The following CNKSR2 variants were observed in gnomAD, a reference collection of about 807,000 sequenced individuals.
CNKSR2 encodes the protein CNK homolog protein 2.
In CNKSR2, 14 loss-of-function variants were observed where a neutral mutation model predicts 84.4. That is an observed-to-expected ratio of 0.17 (90% CI 0.11 to 0.26). The LOEUF (loss-of-function observed/expected upper bound fraction) is 0.26. Ranked by LOEUF, CNKSR2 falls within the 10% of genes least tolerant of loss-of-function variation. CNKSR2 has a pLI of 1.00. For missense variants in CNKSR2, 485 were observed against 771.2 expected, an observed-to-expected ratio of 0.63 and a Z score of 4.40; for synonymous variants, 275 against 277.9, an observed-to-expected ratio of 0.99 and a Z score of 0.10.
At position 21,452,756 on chromosome X, in the gene CNKSR2, A is replaced by ATTTTATTTTATTTTATTTTATT. The variant is rs1197970193; in HGVS notation, c.519+11978_519+11999dup. ...CTCAGCCATTTTACAAGCATGACTTATTTTATTTTATTTTATTTTATTTTA... is the reference window on the plus strand; with the variant it reads ...CTCAGCCATTTTACAAGCATGACTTATTTTATTTTATTTTATTTTATTTTTTATTTTATTTTATTTTATTTTA... On this transcript the variant is annotated intron_variant, in intron 4 of 21. Transcript: ENST00000379510. 8.4e-3 allele frequency among the ~76,000 whole-genome samples: 580 copies of ATTTTATTTTATTTTATTTTATT among 69,368 alleles called. 4 individuals carry two copies. The highest frequency in any genetic ancestry group is 0.033 in the African/African-American group (522 of 15,623). The allele number at this position is 69,368 out of a possible 115,157, so 60.2% of individuals were successfully genotyped here.
At chrX:21,540,436 T>C (rs2091966725) in intron 11 of CNKSR2, among the ~76,000 whole-genome samples, 1 of 111,735 alleles carries the variant, frequency 8.9e-6, no homozygotes, top group Non-Finnish European at 1.9e-5. Context: ...ACCTATAAAA[T>C]AGTCCCATTA....
chrX:21,516,418 G>T, intron 8 of CNKSR2, 67 bp from the exon 9 acceptor site: 1 of 1,053,419 alleles, frequency 9.5e-7, no homozygotes, highest in Non-Finnish European at 1.3e-6. Flanking sequence ...TCTTATTAAA[G>T]GGGGAGAACA....
chrX:21,390,619 A>C (rs1327478238), intron 1 of CNKSR2, among the ~76,000 whole-genome samples: 1 of 111,602 alleles, frequency 9.0e-6, no homozygotes, highest in Non-Finnish European at 1.9e-5. Flanking sequence ...GCCCTCCTCC[A>C]ACATTGGGGA....
chrX:21,497,326 C>T (rs1358195498), intron 6 of CNKSR2, among the ~76,000 whole-genome samples: 1 of 111,533 alleles, frequency 9.0e-6, no homozygotes, highest in Non-Finnish European at 1.9e-5. Flanking sequence ...TTTTATCACT[C>T]TTCTGGTTCC....
intron 4 of CNKSR2, among the ~76,000 whole-genome samples, chrX:21,456,317 C>T (rs2090994728): frequency 9.0e-6 from 1 of 111,444 alleles, no homozygotes; most frequent in Non-Finnish European, 1.9e-5. Context: ...ATTAGGTCTC[C>T]AGAACTATTC....
intron 20 of CNKSR2, among the ~76,000 whole-genome samples, chrX:21,627,734 C>G (rs1472028128): frequency 9.0e-6 from 1 of 111,349 alleles, no homozygotes; most frequent in Non-Finnish European, 1.9e-5. Flanking sequence ...AAGACCCACC[C>G]CCATGATTCA....
At position 21,635,858 on chromosome X, in the gene CNKSR2, C is replaced by A. The variant is rs1268229553; in HGVS notation, c.2693-12973C>A. On this transcript the variant is annotated intron_variant, in intron 20 of 21. Transcript: ENST00000379510. ...CTTATCTATTATTTCACCAGAATAT[C>A]AATTTGGAAAATTCAAGTCGAGTGT... is the stretch of plus-strand genomic sequence containing the variant. Among the ~76,000 whole-genome samples the A allele has an allele frequency of 1.6e-4, 18 of 110,650 alleles. No individual in the cohort carries two copies. The Admixed American group carries it at 1.8e-3, about 11-fold the overall frequency.
chrX:21,486,377 G>A (rs1262951828), intron 5 of CNKSR2, among the ~76,000 whole-genome samples: 1 of 111,513 alleles, frequency 9.0e-6, no homozygotes, highest in Non-Finnish European at 1.9e-5. Context: ...GTTTAAACAT[G>A]TTATATAACA....
At chrX:21,531,822 C>T (rs2091888832) in intron 10 of CNKSR2, 34 bp from the exon 11 acceptor site, 3 of 1,030,314 alleles carry the variant, frequency 2.9e-6, no homozygotes, top group African/African-American at 3.7e-5. Flanking sequence ...TAACATGTTT[C>T]TACATCTTCT....
At chrX:21,574,976 A>G (rs1344950844) in intron 13 of CNKSR2, among the ~76,000 whole-genome samples, 1 of 111,704 alleles carries the variant, frequency 9.0e-6, no homozygotes, top group Non-Finnish European at 1.9e-5. Flanking sequence ...ATATTTACCT[A>G]TAATTTTTCA....
At chrX:21,440,369 C>T (rs188900658) in intron 3 of CNKSR2, among the ~76,000 whole-genome samples, 53 of 111,526 alleles carry the variant, frequency 4.8e-4, no homozygotes, top group African/African-American at 1.5e-3. Flanking sequence ...TGAAAATAAA[C>T]TGACATGTTA....
At chrX:21,615,995 CAAAA>C (rs1174333971) in intron 20 of CNKSR2, among the ~76,000 whole-genome samples, 1 of 111,604 alleles carries the variant, frequency 9.0e-6, no homozygotes, top group African/African-American at 3.3e-5. Context: ...TTTGGGAACT[CAAAA>C]GAAACCTTGC....
intron 4 of CNKSR2, among the ~76,000 whole-genome samples, chrX:21,463,464 T>C (rs1301812296): frequency 9.0e-6 from 1 of 111,654 alleles, no homozygotes; most frequent in Non-Finnish European, 1.9e-5. Context: ...GTCCCCAGCT[T>C]TCCTTTTTGG....
chrX:21,429,005 TTGCCA>T (rs1339778519), intron 2 of CNKSR2: 1 of 112,501 alleles, frequency 8.9e-6, no homozygotes, highest in Non-Finnish European at 1.9e-5. Flanking sequence ...AAATCTGTTG[TTGCCA>T]ATATTAAGTA....
chrX:21,590,051 A>G (rs751291386), intron 13 of CNKSR2, among the ~76,000 whole-genome samples: 1 of 111,561 alleles, frequency 9.0e-6, no homozygotes, highest in Non-Finnish European at 1.9e-5. Context: ...CTACATGAAG[A>G]TTAGTCACCA....
intron 20 of CNKSR2, chrX:21,645,961 G>A (rs1362654895): frequency 4.5e-5 from 5 of 111,513 alleles, no homozygotes; most frequent in Non-Finnish European, 9.4e-5. Context: ...CAGTGAATCA[G>A]ATTTATAATG....
chrX:21,524,758 T>G (rs1377174726), intron 9 of CNKSR2, among the ~76,000 whole-genome samples: 2 of 110,668 alleles, frequency 1.8e-5, no homozygotes, highest in East Asian at 5.7e-4. Flanking sequence ...AGAGAAGTCC[T>G]CAAAATAGAA....
chrX:21,627,116 CTT>C (rs995485470), intron 20 of CNKSR2, among the ~76,000 whole-genome samples: 1 of 111,796 alleles, frequency 8.9e-6, no homozygotes, highest in Non-Finnish European at 1.9e-5. Flanking sequence ...CAATATGACT[CTT>C]TTACGTTTGC....
intron 11 of CNKSR2, among the ~76,000 whole-genome samples, chrX:21,543,966 C>A (rs938671528): frequency 9.0e-6 from 1 of 111,193 alleles, no homozygotes; most frequent in Non-Finnish European, 1.9e-5. Flanking sequence ...GGATTACAGG[C>A]GTGCATCACC....
Sources: allele counts gnomAD v4.1 joint callset (sites outside exome capture counted in the v4.1 genomes callset), GRCh38; gene constraint gnomAD v4.1.1; transcripts MANE v1.5; gene names NCBI Gene and HGNC (gene_info 2026-07-23, HGNC 2026-07-21).